Variants in LRRN2 observed in about 807,000 individuals in gnomAD.
LRRN2 encodes the protein leucine-rich repeat neuronal protein 2.
LRRN2 carries 10 observed loss-of-function variants against 35.7 expected under a neutral mutation model. That is an observed-to-expected ratio of 0.28 (90% CI 0.17 to 0.47). LRRN2 has a LOEUF of 0.47. Among genes scored for constraint, LRRN2 ranks in the 20% least tolerant of loss-of-function variants. The probability of loss-of-function intolerance (pLI) is 0.99; values close to 1 mark genes in which losing one functional copy is unlikely to be tolerated. For missense variants in LRRN2, 731 were observed against 940.3 expected (o/e 0.78, Z 2.91); for synonymous variants, 391 against 409.6 (o/e 0.95, Z 0.55).
rs1282306008 is a variant in LRRN2, at chr1:204,631,256, C to CAATCTAATATATATATATATA, written c.-226-11039_-226-11038insTATATATATATATATTAGATT. Among the ~76,000 whole-genome samples, 206 of 36,910 alleles carry CAATCTAATATATATATATATA rather than the reference C, an allele frequency of 5.6e-3. 60 individuals carry two copies. Among genetic ancestry groups the CAATCTAATATATATATATATA allele is most frequent in the Middle Eastern group, 0.054 (4 of 74 alleles). The allele number at this position is 36,910 out of a possible 152,430, so 24.2% of individuals were successfully genotyped here. A position where few individuals can be genotyped will look rare whatever the true frequency, so the allele number is the denominator to read the frequency against. On this transcript the variant is annotated intron_variant, in intron 1 of 1. Transcript: ENST00000367177. Reference sequence around the variant, plus strand: ...CAAGAAGAGTGATACCTAGAGTGTTCTATATATATATATATATATATATAT... The same window carrying CAATCTAATATATATATATATA: ...CAAGAAGAGTGATACCTAGAGTGTTCAATCTAATATATATATATATATATATATATATATATATATATATAT...
intron 1 of LRRN2, among the ~76,000 whole-genome samples, chr1:204,675,205 C>T (rs561436034): frequency 2.6e-5 from 4 of 152,112 alleles, no homozygotes; most frequent in East Asian, 3.8e-4. Context: ...GCAATCCCTC[C>T]GGGGTGGCTG....
chr1:204,628,518 C>T (rs1311293120), intron 1 of LRRN2: 2 of 152,340 alleles, frequency 1.3e-5, no homozygotes, highest in South Asian at 2.1e-4. Context: ...AGTGTCCTGC[C>T]CTTTTTATCC....
intron 1 of LRRN2, among the ~76,000 whole-genome samples, chr1:204,635,584 A>G (rs923528938): frequency 2.0e-5 from 3 of 152,180 alleles, no homozygotes; most frequent in Non-Finnish European, 4.4e-5. Flanking sequence ...TAAAATCTCT[A>G]TCGATCACGA....
Position 204,685,386 on chromosome 1 carries a change from C to T in LRRN2, c.-293G>A, listed in dbSNP as rs1203925461. ...GGCCGCGCTCCGCTCGCCTTCCGCC[C>T]GGGGCCGGGCTGGGGACGCTGGTCC... On this transcript the variant is annotated 5_prime_UTR_variant, in exon 1 of 2. Coordinates refer to ENST00000367177, the MANE Select transcript of LRRN2 (RefSeq NM_201630.2). 3 of 151,574 alleles carry T rather than the reference C, an allele frequency of 2.0e-5. No individual in the cohort carries two copies. Among genetic ancestry groups the T allele is most frequent in the Non-Finnish European group, 2.9e-5 (2 of 67,930 alleles). 9.4% of individuals were successfully genotyped at this position (151,574 alleles called of 1,614,324 possible). A position where few individuals can be genotyped will look rare whatever the true frequency, so the allele number is the denominator to read the frequency against.
intron 1 of LRRN2, among the ~76,000 whole-genome samples, chr1:204,659,811 A>G (rs1364989362): frequency 1.3e-5 from 2 of 152,186 alleles, no homozygotes; most frequent in African/African-American, 4.8e-5. Context: ...AACTGTATTT[A>G]GCTTGGATCC....
intron 1 of LRRN2, among the ~76,000 whole-genome samples, chr1:204,642,096 G>A (rs1210023480): frequency 6.6e-6 from 1 of 152,214 alleles, no homozygotes; most frequent in Non-Finnish European, 1.5e-5. Flanking sequence ...GGCTGTATTA[G>A]CCAGTGCTCT....
Position 204,617,548 on chromosome 1 carries a change from G to T in LRRN2, c.*303C>A, listed in dbSNP as rs1571587185. The T allele has an allele frequency of 5.1e-6, 2 of 389,030 alleles. No homozygotes were observed. The highest frequency in any genetic ancestry group is 1.2e-4 in the East Asian group (2 of 17,178). The allele number at this position is 389,030 out of a possible 1,614,324, so 24.1% of individuals were successfully genotyped here. ...ACACAGGTAGGGGACAGCCAAGCCAGGCCCAGGAGCCTCTGGGCAGAGAGA... is the reference window on the plus strand; with the variant it reads ...ACACAGGTAGGGGACAGCCAAGCCATGCCCAGGAGCCTCTGGGCAGAGAGA... On this transcript the variant is annotated 3_prime_UTR_variant, in exon 2 of 2. Coordinates refer to ENST00000367177, the MANE Select transcript of LRRN2 (RefSeq NM_201630.2).
chr1:204,651,475 T>C (rs1474210704), intron 1 of LRRN2, among the ~76,000 whole-genome samples: 1 of 151,970 alleles, frequency 6.6e-6, no homozygotes, highest in Non-Finnish European at 1.5e-5. Context: ...CAGAGGAGAG[T>C]GACTTGGTGC....
chr1:204,664,028 CTGG>C (rs1668525877), intron 1 of LRRN2: 1 of 152,366 alleles, frequency 6.6e-6, no homozygotes, highest in Admixed American at 6.5e-5. Flanking sequence ...GGCTTCCCCA[CTGG>C]GCTGCCCACA....
chr1:204,650,177 A>G (rs1288716675), intron 1 of LRRN2, among the ~76,000 whole-genome samples: 4 of 152,338 alleles, frequency 2.6e-5, no homozygotes, highest in African/African-American at 9.6e-5. Flanking sequence ...GTGAGGGCTC[A>G]GGGCCTAGGG....
intron 1 of LRRN2, among the ~76,000 whole-genome samples, chr1:204,670,347 G>A (rs774002919): frequency 3.9e-5 from 6 of 152,192 alleles, no homozygotes; most frequent in Non-Finnish European, 8.8e-5. Context: ...ACTGGAGGAG[G>A]ATCAGGCAGC....
At chr1:204,648,816 A>G (rs1406816547) in intron 1 of LRRN2, among the ~76,000 whole-genome samples, 2 of 152,134 alleles carry the variant, frequency 1.3e-5, no homozygotes, top group East Asian at 3.9e-4. Flanking sequence ...CCCAACCCTT[A>G]AGGTGGTGAC....
chr1:204,627,171 C>CATACAAAGTA (rs2102585626), intron 1 of LRRN2: 1 of 152,290 alleles, frequency 6.6e-6, no homozygotes, highest in Non-Finnish European at 1.5e-5. Context: ...TCCCATCCTT[C>CATACAAAGTA]TGTGAGGGAC....
chr1:204,683,373 G>A (rs1394365248), intron 1 of LRRN2, among the ~76,000 whole-genome samples: 2 of 152,026 alleles, frequency 1.3e-5, no homozygotes, highest in Non-Finnish European at 2.9e-5. Context: ...GAATGAGGAG[G>A]GTGAGAGAAG....
At chr1:204,641,323 C>T (rs1320902735) in intron 1 of LRRN2, among the ~76,000 whole-genome samples, 1 of 152,208 alleles carries the variant, frequency 6.6e-6, no homozygotes, top group Non-Finnish European at 1.5e-5. Context: ...CCTGAATACA[C>T]ACATGTAGTT....
rs144552371 is a variant in LRRN2 at position 204,627,637 on chromosome 1, G to T, written c.-226-7419C>A. The stretch of plus-strand genomic sequence containing the variant: ...AGAGTCATTGCTGTCTGCGTGCACT[G>T]CACCAAAAAAGGCTGCAGGGGAGCC... On this transcript the variant is annotated intron_variant, in intron 1 of 1. Coordinates refer to ENST00000367177, the MANE Select transcript of LRRN2 (RefSeq NM_201630.2). Among the ~76,000 whole-genome samples, 1,012 of 152,362 alleles carry T rather than the reference G, an allele frequency of 6.6e-3. 3 individuals carry two copies. Among genetic ancestry groups the T allele is most frequent in the Middle Eastern group, 0.034 (10 of 294 alleles).
At chr1:204,627,970 A>G (rs1447010726) in intron 1 of LRRN2, 1 of 152,566 alleles carries the variant, frequency 6.6e-6, no homozygotes, top group African/African-American at 2.4e-5. Flanking sequence ...GGAAGAAAAG[A>G]AAAGCAAGGC....
chr1:204,624,746 TCCCCCCCCAC>T (rs1667193793), intron 1 of LRRN2, among the ~76,000 whole-genome samples: 1 of 87,456 alleles, frequency 1.1e-5, no homozygotes, highest in Non-Finnish European at 2.4e-5. Context: ...CCCTGGCGGT[TCCCCCCCCAC>T]CCCCCCCCCC....
intron 1 of LRRN2, among the ~76,000 whole-genome samples, chr1:204,650,791 T>C (rs1050629435): frequency 5.9e-5 from 9 of 152,066 alleles, no homozygotes; most frequent in Non-Finnish European, 1.3e-4. Flanking sequence ...TCAAACACAA[T>C]CTCTCCGCTC....
Sources: gnomAD v4.1 joint callset for allele counts (sites outside exome capture counted in the v4.1 genomes callset) on GRCh38, gnomAD v4.1.1 for gene constraint, MANE v1.5 for transcripts, NCBI Gene and HGNC (gene_info 2026-07-23, HGNC 2026-07-21) for gene names.